Variants in ESRRB observed in about 807,000 individuals in gnomAD.
ESRRB encodes the protein estrogen related receptor beta.
A neutral mutation model predicts 46.0 loss-of-function variants in ESRRB; 16 were observed. That is an observed-to-expected ratio of 0.35 (90% CI 0.24 to 0.53). ESRRB has a LOEUF of 0.53. ESRRB is among the 20% of genes least tolerant of loss of function. ESRRB has a pLI of 0.93. For missense variants in ESRRB, 488 were observed against 607.4 expected (o/e 0.80, Z 2.07); for synonymous variants, 246 against 259.6 (o/e 0.95, Z 0.50).
At chr14:76,324,923 C>T (rs1363659728) in intron 1 of ESRRB, among the ~76,000 whole-genome samples, 1 of 151,484 alleles carries the variant, frequency 6.6e-6, no homozygotes, top group Non-Finnish European at 1.5e-5. Flanking sequence ...ATGCAGGCAT[C>T]ACCTGTTACA....
At chr14:76,323,177 C>G (rs1027342914) in intron 1 of ESRRB, among the ~76,000 whole-genome samples, 1 of 152,174 alleles carries the variant, frequency 6.6e-6, no homozygotes, top group African/African-American at 2.4e-5. Context: ...CCTCAGATCA[C>G]CGAAGTTAGA....
At chr14:76,461,731 G>A (rs1329396065) in intron 2 of ESRRB, among the ~76,000 whole-genome samples, 1 of 151,976 alleles carries the variant, frequency 6.6e-6, no homozygotes, top group Non-Finnish European at 1.5e-5. Context: ...GGCTGGTCTC[G>A]AACTCCTGAC....
rs1890595779 is a variant in ESRRB, at chr14:76,499,915, A to G, written c.*1457A>G. On this transcript the variant is annotated 3_prime_UTR_variant, in exon 7 of 7. Coordinates refer to ENST00000644823, the MANE Select transcript of ESRRB (RefSeq NM_001379180.1). ...CCCAAGGATGAAAGAATGTCAAGCCATGATGGAAAATGCCCCTTCCAATCA... is the reference window on the plus strand; with the variant it reads ...CCCAAGGATGAAAGAATGTCAAGCCGTGATGGAAAATGCCCCTTCCAATCA... 1 of 1,614,166 alleles carries G rather than the reference A, an allele frequency of 6.2e-7. No individual in the cohort carries two copies. The highest frequency in any genetic ancestry group is 8.5e-7 in the Non-Finnish European group (1 of 1,180,024).
chr14:76,442,427 G>T (rs1448492940), intron 2 of ESRRB, among the ~76,000 whole-genome samples: 1 of 152,178 alleles, frequency 6.6e-6, no homozygotes, highest in East Asian at 1.9e-4. Context: ...AGTGAGCCGA[G>T]ATGGCACCAC....
intron 1 of ESRRB, among the ~76,000 whole-genome samples, chr14:76,400,946 C>T (rs930739134): frequency 2.0e-5 from 3 of 152,168 alleles, no homozygotes; most frequent in African/African-American, 7.2e-5. Context: ...GTGGTCCTCT[C>T]GCTCTCCCTG....
chr14:76,424,646 A>G (rs1046395729), intron 1 of ESRRB, among the ~76,000 whole-genome samples: 6 of 152,198 alleles, frequency 3.9e-5, no homozygotes, highest in Non-Finnish European at 8.8e-5. Flanking sequence ...GCAGAAGTAT[A>G]GTGTCTAGGA....
chr14:76,337,925 T>G (rs1206712477), intron 1 of ESRRB, among the ~76,000 whole-genome samples: 1 of 152,218 alleles, frequency 6.6e-6, no homozygotes, highest in Non-Finnish European at 1.5e-5. Flanking sequence ...AGCTTCTGCT[T>G]TCCATGCAAG....
chr14:76,439,884 G>A lies in ESRRB; in HGVS notation c.460+134G>A, dbSNP rs1220504811. On this transcript the variant is annotated intron_variant, in intron 2 of 6. Coordinates refer to ENST00000644823, the MANE Select transcript of ESRRB (RefSeq NM_001379180.1). The stretch of plus-strand genomic sequence containing the variant: ...TGTTGGAGCGGTACTTCTGTGGGGC[G>A]CCTTTTCCCTTGCTCAGGGCTTCTC... The A allele has an allele frequency of 2.4e-5, 23 of 968,936 alleles. No homozygotes were observed. In the South Asian group the frequency reaches 2.5e-4, roughly 11 times the overall value. 60.0% of individuals were successfully genotyped at this position (968,936 alleles called of 1,614,324 possible).
intron 1 of ESRRB, among the ~76,000 whole-genome samples, chr14:76,341,766 G>T (rs1277746369): frequency 6.6e-6 from 1 of 152,234 alleles, no homozygotes; most frequent in Non-Finnish European, 1.5e-5. Context: ...TGTCCAGTTG[G>T]TATTCTTTAA....
intron 1 of ESRRB, among the ~76,000 whole-genome samples, chr14:76,324,905 G>C (rs1883909435): frequency 6.6e-6 from 1 of 151,912 alleles, no homozygotes; most frequent in Admixed American, 6.5e-5. Context: ...AAAAGGCCAG[G>C]ATAGGGAATG....
chr14:76,378,902 C>G (rs952660708), intron 1 of ESRRB, among the ~76,000 whole-genome samples: 1 of 152,074 alleles, frequency 6.6e-6, no homozygotes, highest in African/African-American at 2.4e-5. Flanking sequence ...CCGGCATTTC[C>G]CAGGGAACAT....
chr14:76,444,818 G>A (rs1323676972), intron 2 of ESRRB, among the ~76,000 whole-genome samples: 1 of 152,026 alleles, frequency 6.6e-6, no homozygotes, highest in Non-Finnish European at 1.5e-5. Context: ...TGGACAGAGG[G>A]CTTAAGTCAT....
At chr14:76,472,538 C>T (rs1239352026) in intron 3 of ESRRB, among the ~76,000 whole-genome samples, 1 of 152,242 alleles carries the variant, frequency 6.6e-6, no homozygotes, top group East Asian at 1.9e-4. Flanking sequence ...TACGGTGTGT[C>T]ACTGGGGTAA....
At chr14:76,359,672 G>A (rs1378448085) in intron 1 of ESRRB, among the ~76,000 whole-genome samples, 1 of 152,154 alleles carries the variant, frequency 6.6e-6, no homozygotes, top group Admixed American at 6.5e-5. Context: ...CTGAGGAAGT[G>A]GCCCACAGGG....
At chr14:76,408,258 A>G (rs1886275654) in intron 1 of ESRRB, among the ~76,000 whole-genome samples, 2 of 152,168 alleles carry the variant, frequency 1.3e-5, no homozygotes. Flanking sequence ...AGGAGTTCCC[A>G]TCTGTCCTTA....
intron 1 of ESRRB, among the ~76,000 whole-genome samples, chr14:76,388,398 G>A (rs1885331482): frequency 1.3e-5 from 2 of 151,986 alleles, no homozygotes; most frequent in Admixed American, 6.6e-5. Flanking sequence ...TGTTAGCCAG[G>A]ATGGTTCTGA....
At chr14:76,483,551 G>T (rs1329037410) in intron 5 of ESRRB, among the ~76,000 whole-genome samples, 1 of 152,170 alleles carries the variant, frequency 6.6e-6, no homozygotes, top group African/African-American at 2.4e-5. Context: ...CTCTAGGTCT[G>T]GGCAGATGGC....
At chr14:76,469,176 C>T (rs1889253737) in intron 3 of ESRRB, among the ~76,000 whole-genome samples, 1 of 152,144 alleles carries the variant, frequency 6.6e-6, no homozygotes, top group Non-Finnish European at 1.5e-5. Flanking sequence ...TCACTGCAAC[C>T]TCTGCCTCCC....
intron 1 of ESRRB, among the ~76,000 whole-genome samples, chr14:76,339,991 A>C (rs1884172950): frequency 6.6e-6 from 1 of 151,998 alleles, no homozygotes; most frequent in African/African-American, 2.4e-5. Context: ...TCAGGACTTT[A>C]ATTAGACACG....
Sources: allele counts gnomAD v4.1 joint callset (sites outside exome capture counted in the v4.1 genomes callset), GRCh38; gene constraint gnomAD v4.1.1; transcripts MANE v1.5; gene names NCBI Gene and HGNC (gene_info 2026-07-23, HGNC 2026-07-21).